The following ZNF254 variants were observed in gnomAD, a reference collection of about 807,000 sequenced individuals.
ZNF254 encodes the protein CTD-2017D11.1.
In ZNF254, 10 loss-of-function variants were observed where a neutral mutation model predicts 12.4. The observed-to-expected ratio is 0.80, with a 90% CI of 0.50 to 1.36. The LOEUF (loss-of-function observed/expected upper bound fraction) is 1.36, where lower values mean the gene tolerates loss of function less well. Among genes scored for constraint, ZNF254 ranks in the 40% most tolerant of loss-of-function variants. The probability of loss-of-function intolerance (pLI) is 0.00; values close to 1 mark genes in which losing one functional copy is unlikely to be tolerated. For synonymous variants in ZNF254, 305 were observed against 253.4 expected (o/e 1.20, Z -1.93); for missense variants, 996 against 763.9 (o/e 1.30, Z -3.58).
At chr19:24,053,510 T>C (rs1427453323) in intron 2 of ZNF254, among the ~76,000 whole-genome samples, 1 of 152,104 alleles carries the variant, frequency 6.6e-6, no homozygotes, top group Non-Finnish European at 1.5e-5. Flanking sequence ...GAGTCTATTC[T>C]CTTGTCTTAG....
intron 3 of ZNF254, chr19:24,107,128 A>C: frequency 1.9e-6 from 1 of 516,870 alleles, no homozygotes; most frequent in Non-Finnish European, 3.4e-6. Flanking sequence ...GTTTGAAAGT[A>C]CAAAGTAGGA....
At chr19:24,064,163 C>T (rs764739128) in intron 2 of ZNF254, among the ~76,000 whole-genome samples, 5 of 152,068 alleles carry the variant, frequency 3.3e-5, no homozygotes, top group East Asian at 1.9e-4. Context: ...TGATATGCCA[C>T]GTGACATAGC....
intron 1 of ZNF254, among the ~76,000 whole-genome samples, chr19:24,038,041 C>A (rs1360421255): frequency 6.6e-6 from 1 of 152,212 alleles, no homozygotes; most frequent in East Asian, 1.9e-4. Flanking sequence ...GCCACTGTAC[C>A]TGGCCAGAAA....
At chr19:24,106,896 C>G (rs1027021716) in intron 3 of ZNF254, 20 of 418,128 alleles carry the variant, frequency 4.8e-5, no homozygotes, top group African/African-American at 4.1e-4. Flanking sequence ...TCATGGCATA[C>G]AAAAGAGTGT....
intron 2 of ZNF254, among the ~76,000 whole-genome samples, chr19:24,071,087 CAGAA>C (rs1431088443): frequency 6.6e-6 from 1 of 151,986 alleles, no homozygotes; most frequent in Non-Finnish European, 1.5e-5. Flanking sequence ...AGGGAGAAGA[CAGAA>C]AGAAGAAGCT....
rs1973558227 is a variant in ZNF254, at chr19:24,109,812, C to G, written c.253+3169C>G. Among the ~76,000 whole-genome samples the G allele has an allele frequency of 2.7e-5, 4 of 149,504 alleles. No individual in the cohort carries two copies. The South Asian group carries it at 8.4e-4, about 32-fold the overall frequency. On this transcript the variant is annotated intron_variant, in intron 3 of 3. Coordinates refer to ENST00000357002, the MANE Select transcript of ZNF254 (RefSeq NM_203282.4). ...CGGCTCACTGCAACTTCCTCCACCT[C>G]TCGGGTTTAAGTGATTCTCTAGCCT...
At chr19:24,039,477 TG>T (rs1207764173) in intron 1 of ZNF254, among the ~76,000 whole-genome samples, 3 of 152,120 alleles carry the variant, frequency 2.0e-5, no homozygotes, top group Non-Finnish European at 4.4e-5. Flanking sequence ...CAGGCTGGAG[TG>T]CAGTGGCGTG....
At chr19:24,113,160 A>T (rs1024588180) in intron 3 of ZNF254, among the ~76,000 whole-genome samples, 1 of 152,350 alleles carries the variant, frequency 6.6e-6, no homozygotes, top group South Asian at 2.1e-4. Flanking sequence ...AAAAAGAGGG[A>T]ATCCTCCCTA....
intron 3 of ZNF254, among the ~76,000 whole-genome samples, chr19:24,112,481 C>G (rs1229379856): frequency 6.7e-6 from 1 of 149,246 alleles, no homozygotes; most frequent in Non-Finnish European, 1.5e-5. Context: ...TTCCAATTCT[C>G]TGAAGAAAAT....
At chr19:24,087,472 A>G (rs1215985878) in intron 1 of ZNF254, 135 bp downstream of exon 1, 2 of 1,136,614 alleles carry the variant, frequency 1.8e-6, no homozygotes, top group Non-Finnish European at 2.6e-6. Flanking sequence ...AGTCCCCTTC[A>G]GAAATAAGAT....
chr19:24,074,586 C>A (rs1336530158), intron 2 of ZNF254, among the ~76,000 whole-genome samples: 1 of 152,144 alleles, frequency 6.6e-6, no homozygotes, highest in Non-Finnish European at 1.5e-5. Flanking sequence ...CAGGCTACGT[C>A]ATTCTTCTAT....
chr19:24,126,718 T>C lies in ZNF254; in HGVS notation c.718T>C (p.Cys240Arg), dbSNP rs755196020. The change falls in exon 4 of 4, where the codon TGT becomes CGT. Residue 240 changes from cysteine to arginine, a missense_variant. Physicochemically the swap from Cys to Arg is radical, Grantham distance 180. Coordinates refer to ENST00000357002, the MANE Select transcript of ZNF254 (RefSeq NM_203282.4). ...TTATACTGAAGAGAAACCTTACAAA[T>C]GTGAAGAATATAACAAATCTCCTAA... ...KIYTEEKPYK[C>R]EEYNKSPKQL... 1 of 1,613,544 alleles carries C rather than the reference T, an allele frequency of 6.2e-7. No homozygotes were observed. The highest frequency in any genetic ancestry group is 8.5e-7 in the Non-Finnish European group (1 of 1,179,794).
intron 1 of ZNF254, among the ~76,000 whole-genome samples, chr19:24,038,599 G>T (rs982367731): frequency 4.6e-5 from 7 of 152,068 alleles, no homozygotes; most frequent in African/African-American, 1.4e-4. Context: ...TACTAAACAG[G>T]ATATGAACAC....
upstream of ZNF254, among the ~76,000 whole-genome samples, chr19:24,086,593 T>G (rs1028449740): frequency 4.6e-5 from 7 of 152,164 alleles, no homozygotes; most frequent in African/African-American, 1.7e-4. Flanking sequence ...TTCTCCTGCC[T>G]CAGCCTCCCG....
At chr19:24,051,310 C>G (rs1208533817) in intron 2 of ZNF254, among the ~76,000 whole-genome samples, 1 of 152,082 alleles carries the variant, frequency 6.6e-6, no homozygotes. Context: ...GGTACACATG[C>G]CACCACGCCC....
chr19:24,127,709 G>T lies in ZNF254; in HGVS notation c.1709G>T (p.Gly570Val). ...ILTNHKRIHTGEKPYKCEECG... is the reference protein window; with the variant it reads ...ILTNHKRIHTVEKPYKCEECG... ...ACTAACCATAAGAGAATTCATACTG[G>T]AGAGAAACCCTATAAATGTGAAGAA... is the stretch of plus-strand genomic sequence containing the variant. Residue 570 changes from glycine to valine, a missense_variant, in exon 4 of 4, where the codon GGA (glycine) becomes GTA (valine). Gly to Val is a moderately radical substitution (Grantham distance 109). Coordinates refer to ENST00000357002, the MANE Select transcript of ZNF254 (RefSeq NM_203282.4). 1.9e-6 allele frequency: 3 copies of T among 1,613,268 alleles called. No individual in the cohort carries two copies. Among genetic ancestry groups the T allele is most frequent in the South Asian group, 1.1e-5 (1 of 91,046 alleles).
intron 2 of ZNF254, among the ~76,000 whole-genome samples, chr19:24,071,479 T>C (rs957823673): frequency 3.9e-5 from 6 of 152,032 alleles, no homozygotes; most frequent in Admixed American, 1.3e-4. Context: ...CCCACTGGGG[T>C]GATTGTGGCG....
intron 3 of ZNF254, among the ~76,000 whole-genome samples, chr19:24,117,133 C>T (rs1974135238): frequency 6.6e-6 from 1 of 152,168 alleles, no homozygotes; most frequent in Non-Finnish European, 1.5e-5. Flanking sequence ...TTAGGCTGCT[C>T]ATGGTTCAGG....
intron 3 of ZNF254, among the ~76,000 whole-genome samples, chr19:24,121,833 G>A (rs1974504030): frequency 6.6e-6 from 1 of 152,042 alleles, no homozygotes; most frequent in African/African-American, 2.4e-5. Flanking sequence ...GGGATTACAG[G>A]TGTGAGCCAC....
Sources: gnomAD v4.1 joint callset for allele counts (sites outside exome capture counted in the v4.1 genomes callset) on GRCh38, gnomAD v4.1.1 for gene constraint, MANE v1.5 for transcripts, NCBI Gene and HGNC (gene_info 2026-07-23, HGNC 2026-07-21) for gene names.